ANKRD1: variants seen among roughly 807,000 people sequenced by gnomAD.
The protein encoded by ANKRD1 is ankyrin repeat domain-containing protein 1.
Under a neutral mutation model 40.1 loss-of-function variants are expected in ANKRD1, and 32 were observed. The observed-to-expected ratio is 0.80, with a 90% CI of 0.60 to 1.07. The LOEUF is 1.07. Among genes scored for constraint, ANKRD1 ranks in the 50% least tolerant of loss-of-function variants. The pLI, the probability that ANKRD1 is intolerant of heterozygous loss-of-function variation, is 0.00. For missense variants in ANKRD1, 359 were observed against 386.0 expected (o/e 0.93, Z 0.59); for synonymous variants, 149 against 141.2 (o/e 1.06, Z -0.39).
At chr10:90,916,027 T>C in intron 6 of ANKRD1, 144 bp downstream of exon 6, 1 of 568,928 alleles carries the variant, frequency 1.8e-6, no homozygotes, top group Admixed American at 2.5e-5. Context: ...AGAGGCGAGG[T>C]TAGGAGATGG....
At chr10:90,919,810 T>C (rs1847415300) in intron 2 of ANKRD1, among the ~76,000 whole-genome samples, 1 of 152,238 alleles carries the variant, frequency 6.6e-6, no homozygotes, top group African/African-American at 2.4e-5. Flanking sequence ...TCAACACAGA[T>C]AGCAGACAGT....
At position 90,916,312 on chromosome 10, in the gene ANKRD1, GT is replaced by G. The variant is rs768491548; in HGVS notation, c.553-44del. The G allele has an allele frequency of 5.4e-6, 8 of 1,469,246 alleles. No individual in the cohort carries two copies. The South Asian group carries it at 9.1e-5, about 17-fold the overall frequency. The allele number at this position is 1,469,246 out of a possible 1,614,324, so 91.0% of individuals were successfully genotyped here. A position where few individuals can be genotyped will look rare whatever the true frequency, so the allele number is the denominator to read the frequency against. ...ACCCGACAATGTGAAGGAGAATGTG[GT>G]CTGGGGAATTAGAACCTGGTTGCTA... On this transcript the variant is annotated intron_variant, in intron 5 of 8. Coordinates refer to ENST00000371697, the MANE Select transcript of ANKRD1 (RefSeq NM_014391.3).
intron 5 of ANKRD1, among the ~76,000 whole-genome samples, chr10:90,917,279 T>C (rs1194775903): frequency 1.3e-5 from 2 of 152,236 alleles, no homozygotes; most frequent in Non-Finnish European, 2.9e-5. Context: ...CTACTTTCCA[T>C]AGATGCAATT....
chr10:90,912,567 G>C lies in ANKRD1; in HGVS notation c.*299C>G, dbSNP rs1847326965. On this transcript the variant is annotated 3_prime_UTR_variant, in exon 9 of 9. Transcript: ENST00000371697. ...TGGTTTAAGAACTACCTATGGGTGG[G>C]AAGGCTCTGAAAGTGTTATATACAA... 5.5e-6 allele frequency: 2 copies of C among 363,352 alleles called. No homozygotes were observed. Among genetic ancestry groups the C allele is most frequent in the Non-Finnish European group, 1.1e-5 (2 of 188,652 alleles). The allele number at this position is 363,352 out of a possible 1,614,324, so 22.5% of individuals were successfully genotyped here. A position where few individuals can be genotyped will look rare whatever the true frequency, so the allele number is the denominator to read the frequency against.
At chr10:90,913,024 G>A in intron 8 of ANKRD1, 48 bp from the exon 9 acceptor site, 1 of 1,497,346 alleles carries the variant, frequency 6.7e-7, no homozygotes. Flanking sequence ...GGTGACATCT[G>A]TAAATTCACA....
In ANKRD1 at chr10:90,919,099, G is replaced by A. The variant is rs1265223153; in HGVS notation, c.345+32C>T. On this transcript the variant is annotated intron_variant, in intron 3 of 8. Transcript: ENST00000371697. ...TCCCCTGTAGCACAACACTGGACAT[G>A]TATTACTGGAAACCAAAAAAAAAGC... 4 of 1,610,950 alleles carry A rather than the reference G, an allele frequency of 2.5e-6. No homozygotes were observed. In the African/African-American group the frequency reaches 5.4e-5, roughly 22 times the overall value.
At chr10:90,916,023 G>A in intron 6 of ANKRD1, 143 bp from the exon 7 acceptor site, 1 of 626,074 alleles carries the variant, frequency 1.6e-6, no homozygotes, top group Non-Finnish European at 2.8e-6. Flanking sequence ...ATGGAGAGGC[G>A]AGGTTAGGAG....
At chr10:90,918,297 CA>C (rs1847394475) in intron 4 of ANKRD1, among the ~76,000 whole-genome samples, 1 of 152,084 alleles carries the variant, frequency 6.6e-6, no homozygotes, top group Non-Finnish European at 1.5e-5. Context: ...GGAAAGAATA[CA>C]AAAAGATTAG....
intron 5 of ANKRD1, among the ~76,000 whole-genome samples, 170 bp downstream of exon 5, chr10:90,917,562 C>T (rs1190302535): frequency 6.6e-6 from 1 of 152,216 alleles, no homozygotes; most frequent in African/African-American, 2.4e-5. Flanking sequence ...AATATTTTCA[C>T]ATGACCTACT....
intron 8 of ANKRD1, among the ~76,000 whole-genome samples, chr10:90,913,246 GAGC>G (rs1264862171): frequency 6.6e-6 from 1 of 152,152 alleles, no homozygotes; most frequent in East Asian, 1.9e-4. Flanking sequence ...TATGTGTCAA[GAGC>G]ACCTCAAGTC....
At position 90,916,239 on chromosome 10, in the gene ANKRD1, G is replaced by T; in HGVS notation, c.583C>A (p.Arg195Ser). The T allele has an allele frequency of 6.2e-7, 1 of 1,613,964 alleles. No homozygotes were observed. Among genetic ancestry groups the T allele is most frequent in the Non-Finnish European group, 8.5e-7 (1 of 1,179,930 alleles). The change falls in exon 6 of 9, where the codon CGT becomes AGT. Residue 195 changes from arginine (R) to serine (S), a missense_variant. Transcript: ENST00000371697. Reference protein sequence around the residue: ...LESTAIHWASRGGNLDVLKLL... With the variant: ...LESTAIHWASSGGNLDVLKLL... ...TTTAAAACATCCAGGTTTCCTCCACGGCTTGCCCAGTGGATGGCTGTGGAT... is the reference window on the plus strand; with the variant it reads ...TTTAAAACATCCAGGTTTCCTCCACTGCTTGCCCAGTGGATGGCTGTGGAT...
chr10:90,915,831 C>G lies in ANKRD1; in HGVS notation c.701G>C (p.Cys234Ser), dbSNP rs1478559064. ...HVAVRTGHYE[C>S]AEHLIACEAD... Reference sequence around the variant, plus strand: ...CTCACAGGCGATAAGATGCTCCGCGCACTCATAGTGGCCAGTCCTCACCGC... The same window carrying G: ...CTCACAGGCGATAAGATGCTCCGCGGACTCATAGTGGCCAGTCCTCACCGC... Residue 234 changes from cysteine (C) to serine (S), a missense_variant, in exon 7 of 9, where the codon TGC becomes TCC. By Grantham distance (112) the Cys-to-Ser change is moderately radical (BLOSUM62 -1). Transcript: ENST00000371697. 1.4e-5 allele frequency: 22 copies of G among 1,613,574 alleles called. No individual in the cohort carries two copies. Among genetic ancestry groups the G allele is most frequent in the Non-Finnish European group, 1.8e-5 (21 of 1,179,974 alleles).
At chr10:90,914,823 C>CT (rs1215567671) in intron 8 of ANKRD1, among the ~76,000 whole-genome samples, 2 of 140,026 alleles carry the variant, frequency 1.4e-5, no homozygotes, top group African/African-American at 5.3e-5. Context: ...ATTTTTTAAG[C>CT]TTATATTAGA....
In ANKRD1 at chr10:90,915,799, G is replaced by C; in HGVS notation, c.733C>G (p.Leu245Val). 2 of 1,613,764 alleles carry C rather than the reference G, an allele frequency of 1.2e-6. No homozygotes were observed. The highest frequency in any genetic ancestry group is 2.7e-5 in the African/African-American group (2 of 74,896). ...CTACTCACTCTGTCTTTGGCGTTGA[G>C]GTCTGCCTCACAGGCGATAAGATGC... Reference protein sequence around the residue: ...AEHLIACEADLNAKDREGDTP... With the variant: ...AEHLIACEADVNAKDREGDTP... Residue 245 changes from leucine (L) to valine (V), a missense_variant, in exon 7 of 9, where the codon CTC becomes GTC. Leu to Val is a conservative substitution (Grantham distance 32). Coordinates refer to ENST00000371697, the MANE Select transcript of ANKRD1 (RefSeq NM_014391.3).
rs112987534 is a variant in ANKRD1, at chr10:90,916,170, C to T, written c.651+1G>A. ...GAAGGGAGAAGGAGAAGAAGGAATA[C>T]CTTATCTCGGGCGCTAATTTTTGCT... On this transcript the variant is annotated splice_donor_variant, in intron 6 of 8. Transcript: ENST00000371697. LOFTEE classifies it high-confidence loss of function. The T allele has an allele frequency of 6.2e-7, 1 of 1,610,584 alleles. No homozygotes were observed. The highest frequency in any genetic ancestry group is 1.7e-5 in the Admixed American group (1 of 59,948).
chr10:90,915,939 C>G, intron 6 of ANKRD1, 59 bp from the exon 7 acceptor site: 1 of 1,548,884 alleles, frequency 6.5e-7, no homozygotes, highest in Admixed American at 1.8e-5. Context: ...CTGTCCCAGA[C>G]CCCAAGACAT....
chr10:90,917,672 T>A, intron 5 of ANKRD1, 60 bp downstream of exon 5: 2 of 1,469,536 alleles, frequency 1.4e-6, no homozygotes, highest in Non-Finnish European at 1.9e-6. Context: ...TTGGAGGTTT[T>A]CCGGAGCTTC....
chr10:90,920,277 A>G lies in ANKRD1; in HGVS notation c.99T>C (p.Tyr33=). The G allele has an allele frequency of 6.2e-7, 1 of 1,614,026 alleles. No individual in the cohort carries two copies. Among genetic ancestry groups the G allele is most frequent in the Non-Finnish European group, 8.5e-7 (1 of 1,180,008 alleles). ...GCTTCTCTAAAGTAACAGCAGCTTCATACTCTCCATCTCTGAAATCCTCAG... is the reference window on the plus strand; with the variant it reads ...GCTTCTCTAAAGTAACAGCAGCTTCGTACTCTCCATCTCTGAAATCCTCAG... The part of the protein sequence containing the change: ...FLPEDFRDGE[Y]EAAVTLEKQE... The change falls in exon 2 of 9, where the codon TAT becomes TAC. Residue 33 remains tyrosine (Y), a synonymous_variant. Coordinates refer to ENST00000371697, the MANE Select transcript of ANKRD1 (RefSeq NM_014391.3).
At chr10:90,915,124 CACT>C (rs1235396896) in intron 8 of ANKRD1, among the ~76,000 whole-genome samples, 2 of 152,172 alleles carry the variant, frequency 1.3e-5, no homozygotes, top group East Asian at 3.9e-4. Context: ...AACCTTAGTT[CACT>C]GGCTGCACTG....
Sources: gnomAD v4.1 joint callset for allele counts (sites outside exome capture counted in the v4.1 genomes callset) on GRCh38, gnomAD v4.1.1 for gene constraint, MANE v1.5 for transcripts, NCBI Gene and HGNC (gene_info 2026-07-23, HGNC 2026-07-21) for gene names.